Variants in TNFAIP8L3 observed in about 807,000 individuals in gnomAD.
The protein encoded by TNFAIP8L3 is tumor necrosis factor alpha-induced protein 8-like protein 3.
In TNFAIP8L3, 7 loss-of-function variants were observed where a neutral mutation model predicts 11.8. The observed-to-expected ratio is 0.59, with a 90% CI of 0.34 to 1.11. The LOEUF (loss-of-function observed/expected upper bound fraction) is 1.11. Ranked by LOEUF, TNFAIP8L3 falls within the 50% of genes most tolerant of loss-of-function variation. TNFAIP8L3 has a pLI of 0.03. For synonymous variants in TNFAIP8L3, 98 were observed against 103.8 expected (o/e 0.94, Z 0.34); for missense variants, 219 against 258.6 (o/e 0.85, Z 1.05).
intron 1 of TNFAIP8L3, among the ~76,000 whole-genome samples, chr15:51,073,688 G>A (rs145313307): frequency 2.6e-5 from 4 of 152,186 alleles, no homozygotes; most frequent in Admixed American, 1.3e-4. Context: ...TTATAACACC[G>A]GTAGAAAACA....
At chr15:51,071,880 T>C (rs1181970589) in intron 1 of TNFAIP8L3, among the ~76,000 whole-genome samples, 2 of 152,232 alleles carry the variant, frequency 1.3e-5, no homozygotes, top group Non-Finnish European at 2.9e-5. Flanking sequence ...AGGTATAAAA[T>C]GGTACCTTGT....
intron 1 of TNFAIP8L3, among the ~76,000 whole-genome samples, chr15:51,091,448 G>A (rs2065468869): frequency 6.6e-6 from 1 of 152,152 alleles, no homozygotes; most frequent in African/African-American, 2.4e-5. Context: ...GGAGGTGGAG[G>A]GCAGGGGATT....
chr15:51,062,925 A>T (rs80255169), intron 1 of TNFAIP8L3, among the ~76,000 whole-genome samples: 1 of 152,016 alleles, frequency 6.6e-6, no homozygotes, highest in Admixed American at 6.5e-5. Context: ...GGGAAGTGGG[A>T]GAGTGAGTTA....
Position 51,086,434 on chromosome 15 carries a change from T to C in TNFAIP8L3, c.52+8110A>G, listed in dbSNP as rs570927126. 5.3e-5 allele frequency among the ~76,000 whole-genome samples: 8 copies of C among 152,364 alleles called. No homozygotes were observed. In the South Asian group the frequency reaches 1.7e-3, roughly 32 times the overall value. ...ATGTCTGCAGCTTAAAGCAGGCCTT[T>C]GTGGAGGCAGAATGCCCTCACCTAA... On this transcript the variant is annotated intron_variant, in intron 1 of 1. Transcript: ENST00000637513.
exon 1 of TNFAIP8L3, chr15:51,105,121 T>C (rs756686872): frequency 1.2e-6 from 2 of 1,614,192 alleles, no homozygotes; most frequent in Admixed American, 3.3e-5. Context: ...CCCCTTTGGC[T>C]CTGCCTCACA....
At chr15:51,087,114 C>T (rs866393689) in intron 1 of TNFAIP8L3, among the ~76,000 whole-genome samples, 8 of 152,138 alleles carry the variant, frequency 5.3e-5, no homozygotes, top group African/African-American at 1.7e-4. Context: ...GTGATCCACC[C>T]GCCTCAGCCT....
At chr15:51,079,855 CAAAAAAAA>C (rs10602536) in intron 1 of TNFAIP8L3, among the ~76,000 whole-genome samples, 1 of 77,624 alleles carries the variant, frequency 1.3e-5, no homozygotes, top group African/African-American at 5.3e-5. Context: ...GACTTTGTCT[CAAAAAAAA>C]AAAAAAAAAA....
At chr15:51,077,801 G>T in intron 1 of TNFAIP8L3, among the ~76,000 whole-genome samples, 1 of 152,236 alleles carries the variant, frequency 6.6e-6, no homozygotes, top group East Asian at 1.9e-4. Context: ...TTGGGCAGGG[G>T]GAGGAGCCTG....
At chr15:51,092,755 C>T (rs947778928) in intron 1 of TNFAIP8L3, among the ~76,000 whole-genome samples, 4 of 152,194 alleles carry the variant, frequency 2.6e-5, no homozygotes, top group Non-Finnish European at 5.9e-5. Flanking sequence ...CTGGGTCAGG[C>T]TGGAGAGAGA....
rs950639299 is a variant in TNFAIP8L3, at chr15:51,057,553, A to G, written c.*328T>C. 7 of 214,960 alleles carry G rather than the reference A, an allele frequency of 3.3e-5. No homozygotes were observed. Among genetic ancestry groups the G allele is most frequent in the Non-Finnish European group, 6.5e-5 (7 of 107,502 alleles). The allele number at this position is 214,960 out of a possible 1,614,324, so 13.3% of individuals were successfully genotyped here. On this transcript the variant is annotated 3_prime_UTR_variant, in exon 2 of 2. Transcript: ENST00000637513. ...ACTGGTTAAGCTGGAAACCAAATCC[A>G]TGTCCTCTGTCTCCTGGTTTAGTGC...
At chr15:51,076,738 A>AGCCCT (rs1187287477) in intron 1 of TNFAIP8L3, among the ~76,000 whole-genome samples, 3 of 152,154 alleles carry the variant, frequency 2.0e-5, no homozygotes, top group South Asian at 2.1e-4. Context: ...CCCGGCCTCC[A>AGCCCT]GCCCTGCCCT....
intron 1 of TNFAIP8L3, among the ~76,000 whole-genome samples, chr15:51,082,667 T>C (rs1194033126): frequency 2.0e-5 from 3 of 152,238 alleles, no homozygotes; most frequent in East Asian, 1.9e-4. Flanking sequence ...CACAAGCACA[T>C]TGTATAGCTG....
At chr15:51,087,919 T>TTATATATATATATATATATA (rs6145560) in intron 1 of TNFAIP8L3, among the ~76,000 whole-genome samples, 1,489 of 101,308 alleles carry the variant, frequency 0.015, 120 homozygotes, top group Middle Eastern at 0.025. Context: ...TAGCATACCT[T>TTATATATATATATATATATA]TATATATATA....
chr15:51,073,655 A>G (rs1455416431), intron 1 of TNFAIP8L3, among the ~76,000 whole-genome samples: 1 of 151,890 alleles, frequency 6.6e-6, no homozygotes, highest in Non-Finnish European at 1.5e-5. Flanking sequence ...GTTTTCTTTG[A>G]CCCCCTATTT....
chr15:51,101,945 CAAAAAAAAA>C (rs11297566), intron 1 of TNFAIP8L3, among the ~76,000 whole-genome samples: 6 of 85,720 alleles, frequency 7.0e-5, no homozygotes, highest in Non-Finnish European at 1.4e-4. Context: ...GACTCTGTCT[CAAAAAAAAA>C]AAAAAAAAAA....
intron 1 of TNFAIP8L3, among the ~76,000 whole-genome samples, chr15:51,100,669 CAT>C (rs1227444758): frequency 6.6e-6 from 1 of 151,790 alleles, no homozygotes; most frequent in African/African-American, 2.4e-5. Flanking sequence ...TTTAAGAAGA[CAT>C]ATCAGGGATC....
intron 1 of TNFAIP8L3, among the ~76,000 whole-genome samples, chr15:51,069,316 A>T (rs2065292530): frequency 6.6e-6 from 1 of 152,224 alleles, no homozygotes; most frequent in Non-Finnish European, 1.5e-5. Context: ...GGCACCAAAC[A>T]TGACAAAATT....
At chr15:51,098,959 G>A (rs190456752), upstream of TNFAIP8L3, among the ~76,000 whole-genome samples, 95 of 152,218 alleles carry the variant, frequency 6.2e-4, no homozygotes, top group African/African-American at 2.1e-3. Flanking sequence ...CAATATCCTC[G>A]TGTCTAAATC....
At chr15:51,077,714 T>C (rs1464862394) in intron 1 of TNFAIP8L3, among the ~76,000 whole-genome samples, 3 of 152,246 alleles carry the variant, frequency 2.0e-5, no homozygotes, top group Admixed American at 2.0e-4. Flanking sequence ...TGCCCTCCCT[T>C]CCCCGACAGC....
Sources: gnomAD v4.1 joint callset for allele counts (sites outside exome capture counted in the v4.1 genomes callset) on GRCh38, gnomAD v4.1.1 for gene constraint, MANE v1.5 for transcripts, NCBI Gene and HGNC (gene_info 2026-07-23, HGNC 2026-07-21) for gene names.